Variants in CENPI observed in about 807,000 individuals in gnomAD.
CENPI encodes the protein FSH primary response 1.
In CENPI, 4 loss-of-function variants were observed where a neutral mutation model predicts 60.4. The observed-to-expected ratio is 0.07, with a 90% CI of 0.03 to 0.15. The LOEUF is 0.15. Among genes scored for constraint, CENPI ranks in the 10% least tolerant of loss-of-function variants. The pLI is 1.00. For missense variants in CENPI, 444 were observed against 534.5 expected (o/e 0.83, Z 1.67); for synonymous variants, 157 against 189.4 (o/e 0.83, Z 1.40).
At chrX:101,178,480 G>A in the CENPI span, among the ~76,000 whole-genome samples, 2 of 91,344 alleles carry the variant, frequency 2.2e-5, no homozygotes, top group African/African-American at 4.1e-5. Flanking sequence ...GCATGATCTC[G>A]GCTCACTGCA....
At chrX:101,100,674 C>T (rs767447860) in intron 2 of CENPI, 5 of 125,378 alleles carry the variant, frequency 4.0e-5, no homozygotes, top group South Asian at 3.1e-4. Context: ...AGGCCCACCT[C>T]GGCCTCCCAG....
chrX:101,128,485 G>A (rs1205306802), intron 11 of CENPI, among the ~76,000 whole-genome samples: 4 of 111,128 alleles, frequency 3.6e-5, no homozygotes, highest in Non-Finnish European at 3.8e-5. Context: ...GTGACAGAGC[G>A]AGACTCCATC....
chrX:101,103,856 C>T (rs1460584395), intron 4 of CENPI, among the ~76,000 whole-genome samples: 2 of 112,292 alleles, frequency 1.8e-5, no homozygotes, highest in African/African-American at 6.5e-5. Flanking sequence ...TCACCAAATA[C>T]ATGAGAACCA....
At chrX:101,152,698 G>A (rs769984912) in intron 20 of CENPI, among the ~76,000 whole-genome samples, 14 of 110,976 alleles carry the variant, frequency 1.3e-4, no homozygotes, top group South Asian at 3.8e-4. Flanking sequence ...CACAGTGCCC[G>A]GACTGGCTTC....
chrX:101,162,190 T>G (rs190656983), intron 21 of CENPI, among the ~76,000 whole-genome samples: 1,980 of 109,793 alleles, frequency 0.018, 39 homozygotes, highest in African/African-American at 0.063. Flanking sequence ...TCTGCCCGCC[T>G]TGGCCTCCCA....
intron 12 of CENPI, among the ~76,000 whole-genome samples, chrX:101,129,396 G>A (rs745357484): frequency 9.1e-6 from 1 of 110,228 alleles, no homozygotes; most frequent in East Asian, 2.9e-4. Context: ...GGTGGGGGTC[G>A]GTGGGGAGGG....
chrX:101,178,404 T>TCTTC, the CENPI span, among the ~76,000 whole-genome samples: 2 of 73,269 alleles, frequency 2.7e-5, no homozygotes, highest in African/African-American at 1.0e-4. Context: ...TCTTCTTTTT[T>TCTTC]TTTTTTTTTT....
At chrX:101,143,100 C>T (rs2015622) in intron 16 of CENPI, among the ~76,000 whole-genome samples, 1 of 104,038 alleles carries the variant, frequency 9.6e-6, no homozygotes, top group African/African-American at 3.5e-5. Context: ...TATAGTTTTG[C>T]AAATAGCCAG....
chrX:101,140,687 A>G lies in CENPI; in HGVS notation c.1492A>G (p.Lys498Glu), dbSNP rs1480167335. ...YFKCSVLQSL[K>E]ELLQNWLLWL... ...TCAGTGTAGTGTGCTTCAGAGTCTGAAAGAGCTATTGCAGAATTGGCTGTT... is the reference window on the plus strand; with the variant it reads ...TCAGTGTAGTGTGCTTCAGAGTCTGGAAGAGCTATTGCAGAATTGGCTGTT... The change falls in exon 16 of 22, where the codon AAA (lysine) becomes GAA (glutamate). Residue 498 changes from lysine to glutamate, a missense_variant. Lys to Glu is a moderately conservative substitution (Grantham distance 56). Transcript: ENST00000682095. 1.1e-5 allele frequency: 13 copies of G among 1,200,097 alleles called. No homozygotes were observed. The East Asian group carries it at 3.9e-4, about 36-fold the overall frequency.
At chrX:101,154,399 G>A (rs1331067178) in intron 20 of CENPI, among the ~76,000 whole-genome samples, 2 of 110,320 alleles carry the variant, frequency 1.8e-5, no homozygotes, top group African/African-American at 3.3e-5. Context: ...GAAATGTTGG[G>A]CATTTCTCTA....
chrX:101,139,841 GTTTT>G (rs1297389512), intron 15 of CENPI, among the ~76,000 whole-genome samples: 3 of 95,440 alleles, frequency 3.1e-5, no homozygotes, highest in Non-Finnish European at 6.3e-5. Context: ...TTTGTTTTTT[GTTTT>G]TTTTTTTGAG....
chrX:101,173,522 ATAGAAT>A, the CENPI span, among the ~76,000 whole-genome samples: 5 of 109,179 alleles, frequency 4.6e-5, no homozygotes, highest in East Asian at 1.4e-3. Context: ...GATGTTTTAA[ATAGAAT>A]TAGGAAGCTT....
intron 20 of CENPI, among the ~76,000 whole-genome samples, chrX:101,149,277 A>G (rs986710580): frequency 5.4e-5 from 6 of 111,613 alleles, no homozygotes; most frequent in African/African-American, 1.3e-4. Flanking sequence ...CAACTTTATC[A>G]TTGTAGCATG....
At chrX:101,135,712 T>A (rs769473961) in intron 15 of CENPI, among the ~76,000 whole-genome samples, 44 of 112,013 alleles carry the variant, frequency 3.9e-4, no homozygotes, top group African/African-American at 1.4e-3. Context: ...TCCATTTGAT[T>A]TTTGTATATT....
chrX:101,144,752 T>G (rs1336927461), intron 16 of CENPI, among the ~76,000 whole-genome samples: 8 of 111,239 alleles, frequency 7.2e-5, no homozygotes, highest in Non-Finnish European at 1.5e-4. Context: ...TACCTATTTT[T>G]TAATGGTTTT....
At position 101,120,961 on chromosome X, in the gene CENPI, C is replaced by T. The variant is rs1382358499; in HGVS notation, c.687+177C>T. 7.4e-5 allele frequency among the ~76,000 whole-genome samples: 8 copies of T among 108,072 alleles called. No homozygotes were observed. In the South Asian group the frequency reaches 1.7e-3, roughly 22 times the overall value. 93.8% of individuals were successfully genotyped at this position (108,072 alleles called of 115,157 possible). The stretch of plus-strand genomic sequence containing the variant: ...CATGATCTTGGCTCACTGCAACCTC[C>T]GCCTCCCAGGTTCAAGCGATTCTCC... On this transcript the variant is annotated intron_variant, in intron 8 of 21. Coordinates refer to ENST00000682095, the MANE Select transcript of CENPI (RefSeq NM_001386188.2).
chrX:101,104,834 G>A (rs1330807847), intron 4 of CENPI, among the ~76,000 whole-genome samples: 2 of 104,010 alleles, frequency 1.9e-5, no homozygotes, highest in African/African-American at 7.1e-5. Flanking sequence ...GGGCCACAGA[G>A]CAAGACCCTG....
In CENPI at chrX:101,124,836, G is replaced by A. The variant is rs1461135608; in HGVS notation, c.688-1873G>A. ...TTCCTGAGGCCACCCTAGCCACGTGGAACTGTGAGTCAGTTAAACCTCTTT... is the reference window on the plus strand; with the variant it reads ...TTCCTGAGGCCACCCTAGCCACGTGAAACTGTGAGTCAGTTAAACCTCTTT... On this transcript the variant is annotated intron_variant, in intron 8 of 21. Coordinates refer to ENST00000682095, the MANE Select transcript of CENPI (RefSeq NM_001386188.2). Among the ~76,000 whole-genome samples the A allele has an allele frequency of 2.7e-5, 3 of 111,910 alleles. No homozygotes were observed. The Admixed American group carries it at 2.9e-4, about 11-fold the overall frequency.
Position 101,119,752 on chromosome X carries a change from A to G in CENPI, c.592-650A>G, listed in dbSNP as rs185816824. On this transcript the variant is annotated intron_variant, in intron 6 of 21. Transcript: ENST00000682095. ...AGCTGTTAACTAAATTCTTGTATAT[A>G]TACTGACTGGAATATGAAGCATCAT... 2.1e-4 allele frequency among the ~76,000 whole-genome samples: 24 copies of G among 112,482 alleles called. No homozygotes were observed. The Admixed American group carries it at 2.3e-3, about 11-fold the overall frequency.
Sources: allele counts gnomAD v4.1 joint callset (sites outside exome capture counted in the v4.1 genomes callset), GRCh38; gene constraint gnomAD v4.1.1; transcripts MANE v1.5; gene names NCBI Gene and HGNC (gene_info 2026-07-23, HGNC 2026-07-21).